The following PIDD1 variants were observed in gnomAD, a reference collection of about 807,000 sequenced individuals.
PIDD1 encodes p53-induced death domain protein 1.
A neutral mutation model predicts 80.0 loss-of-function variants in PIDD1; 72 were observed. The observed-to-expected ratio is 0.90, with a 90% CI of 0.74 to 1.09. The LOEUF (loss-of-function observed/expected upper bound fraction) is 1.09. Among genes scored for constraint, PIDD1 ranks in the 50% least tolerant of loss-of-function variants. The probability of loss-of-function intolerance (pLI) is 0.00; values close to 1 mark genes in which losing one functional copy is unlikely to be tolerated. For missense variants in PIDD1, 1,329 were observed against 1,228.3 expected (o/e 1.08, Z -1.23); for synonymous variants, 655 against 543.5 (o/e 1.21, Z -2.85).
Position 802,032 on chromosome 11 carries a change from ACCACTTCACGG to A in PIDD1, c.1224_1234del (p.Arg409GlyfsTer6). The A allele has an allele frequency of 6.2e-7, 1 of 1,600,136 alleles. No individual in the cohort carries two copies. Among genetic ancestry groups the A allele is most frequent in the Non-Finnish European group, 8.5e-7 (1 of 1,174,014 alleles). On this transcript the variant is annotated frameshift_variant, in exon 7 of 16. Transcript: ENST00000347755. LOFTEE classifies it high-confidence loss of function. ...GCTGTTGTCATTCCGGGTCCTGACC[ACCACTTCACGG>A]CAGCGCCGGGCCTGCGGTGGGGTGA...
chr11:802,355 C>T lies in PIDD1; in HGVS notation c.1016G>A (p.Cys339Tyr), dbSNP rs753705701. 43 of 1,611,950 alleles carry T rather than the reference C, an allele frequency of 2.7e-5. No individual in the cohort carries two copies. Among genetic ancestry groups the T allele is most frequent in the Non-Finnish European group, 3.4e-5 (40 of 1,179,846 alleles). ...TPQGCSVTLA[C>Y]GVRLQFPAGA... ...CGCTGGGAACTGCAGGCGGACGCCA[C>T]AGGCCAGGGTCACTGAGCAGCCTTG... The change falls in exon 6 of 16, where the codon TGT becomes TAT. Residue 339 changes from cysteine (C) to tyrosine (Y), a missense_variant. Cys to Tyr is a radical substitution (Grantham distance 194). Transcript: ENST00000347755.
chr11:799,418 C>T lies in PIDD1; in HGVS notation c.2622G>A (p.Glu874=), dbSNP rs527837792. 6 of 1,611,648 alleles carry T rather than the reference C, an allele frequency of 3.7e-6. No homozygotes were observed. In the African/African-American group the frequency reaches 8.0e-5, roughly 21 times the overall value. ...TGTCCTGGTACTTGCGGCGGCCGAG[C>T]TCCAAGACTGCGCGCACCTCTTCAG... ...DVAEEVRAVL[E]LGRRKYQDSI... Residue 874 remains glutamate, a synonymous_variant, in exon 16 of 16, where the codon GAG becomes GAA. Transcript: ENST00000347755.
chr11:801,602 A>G lies in PIDD1; in HGVS notation c.1325T>C (p.Val442Ala). 1 of 1,561,576 alleles carries G rather than the reference A, an allele frequency of 6.4e-7. No homozygotes were observed. The highest frequency in any genetic ancestry group is 8.7e-7 in the Non-Finnish European group (1 of 1,153,674). Reference sequence around the variant, plus strand: ...CACAAGGAACCAGGAGAAGTGGGGCACCTGGCAGTGAGCCCAGAGCCGCTG... The same window carrying G: ...CACAAGGAACCAGGAGAAGTGGGGCGCCTGGCAGTGAGCCCAGAGCCGCTG... ...APQRLWAHCQ[V>A]PHFSWFLVVS... Residue 442 changes from valine (V) to alanine (A), a missense_variant, in exon 8 of 16, where the codon GTG becomes GCG. Coordinates refer to ENST00000347755, the MANE Select transcript of PIDD1 (RefSeq NM_145886.4).
chr11:809,496 G>A (rs1398971183), upstream of PIDD1: 1 of 152,290 alleles, frequency 6.6e-6, no homozygotes, highest in Non-Finnish European at 1.5e-5. Flanking sequence ...ACCGCCAGCA[G>A]CTTCTGCCCG....
At position 800,393 on chromosome 11, in the gene PIDD1, A is replaced by G. The variant is rs753730564; in HGVS notation, c.2100T>C (p.Asn700=). 8 of 1,590,674 alleles carry G rather than the reference A, an allele frequency of 5.0e-6. No homozygotes were observed. Among genetic ancestry groups the G allele is most frequent in the African/African-American group, 1.4e-5 (1 of 72,108 alleles). ...ICFVFYSHLK[N]VKEVYVTTTL... ...TGGTGGTCACGTATACCTCCTTCAC[A>G]TTCTTCAGGTGCGAGTAGAAGACAA... The change falls in exon 13 of 16, where the codon AAT becomes AAC. Residue 700 remains asparagine, a synonymous_variant. Transcript: ENST00000347755.
intron 1 of PIDD1, 27 bp downstream of exon 1, chr11:805,152 C>G (rs897964573): frequency 9.3e-6 from 9 of 968,274 alleles, no homozygotes; most frequent in Admixed American, 6.2e-5. Context: ...CCCGCCGCCC[C>G]CTCCGCCCGC....
At position 800,686 on chromosome 11, in the gene PIDD1, G is replaced by C; in HGVS notation, c.1918-20C>G. On this transcript the variant is annotated intron_variant, in intron 11 of 15. Coordinates refer to ENST00000347755, the MANE Select transcript of PIDD1 (RefSeq NM_145886.4). ...GTCCACCTGCGGGGAAGCCCGTGCAGCTCAGGACCCAAAGCTCTGCACCCC... is the reference window on the plus strand; with the variant it reads ...GTCCACCTGCGGGGAAGCCCGTGCACCTCAGGACCCAAAGCTCTGCACCCC... 1 of 1,568,972 alleles carries C rather than the reference G, an allele frequency of 6.4e-7. No homozygotes were observed.
At chr11:801,804 A>C (rs1865358644) in intron 7 of PIDD1, 161 bp downstream of exon 7, 1 of 998,758 alleles carries the variant, frequency 1.0e-6, no homozygotes, top group Non-Finnish European at 1.5e-6. Flanking sequence ...AGCAGGATCC[A>C]GGAGGGACGG....
At chr11:802,633 G>A (rs746063327) in intron 4 of PIDD1, 36 bp from the exon 5 acceptor site, 7 of 1,607,376 alleles carry the variant, frequency 4.4e-6, no homozygotes, top group South Asian at 3.3e-5. Flanking sequence ...AGGACAGTGA[G>A]GAGACTCATG....
At position 800,359 on chromosome 11, in the gene PIDD1, G is replaced by A. The variant is rs769334697; in HGVS notation, c.2134C>T (p.Arg712Trp). Residue 712 changes from arginine (R) to tryptophan (W), a missense_variant, in exon 13 of 16, where the codon CGG (arginine) becomes TGG (tryptophan). Transcript: ENST00000347755. The part of the protein sequence containing the change: ...KEVYVTTTLD[R>W]EAQAVRGQVS... ...TGGCCCCGCACAGCCTGAGCCTCCC[G>A]GTCCAGAGTGGTGGTCACGTATACC... 48 of 1,612,772 alleles carry A rather than the reference G, an allele frequency of 3.0e-5. No individual in the cohort carries two copies. Among genetic ancestry groups the A allele is most frequent in the Non-Finnish European group, 3.0e-5 (35 of 1,179,990 alleles).
chr11:799,938 G>A lies in PIDD1; in HGVS notation c.2351C>T (p.Thr784Ile), dbSNP rs749507877. ...LAPLNLGDAE[T>I]GFLTQSNLLS... ...CAGGTTGCTCTGCGTCAGAAAGCCG[G>A]TCTCGGCATCTCCCAGATTCAAGGG... Residue 784 changes from threonine (T) to isoleucine (I), a missense_variant, in exon 15 of 16, where the codon ACC becomes ATC. Transcript: ENST00000347755. The A allele has an allele frequency of 6.2e-7, 1 of 1,612,802 alleles. No individual in the cohort carries two copies. The highest frequency in any genetic ancestry group is 8.5e-7 in the Non-Finnish European group (1 of 1,179,938).
At position 800,654 on chromosome 11, in the gene PIDD1, G is replaced by C; in HGVS notation, c.1930C>G (p.Leu644Val). Reference sequence around the variant, plus strand: ...CGGTACCGCTCCAGCAGCCGCCGAAGGGTGGCGTCCACCTGCGGGGAAGCC... The same window carrying C: ...CGGTACCGCTCCAGCAGCCGCCGAACGGTGGCGTCCACCTGCGGGGAAGCC... Reference protein sequence around the residue: ...CLPRNKVDATLRRLLERYRGP... With the variant: ...CLPRNKVDATVRRLLERYRGP... Residue 644 changes from leucine (L) to valine (V), a missense_variant, in exon 12 of 16, where the codon CTT (leucine) becomes GTT (valine). Physicochemically the swap from Leu to Val is conservative, Grantham distance 32. Coordinates refer to ENST00000347755, the MANE Select transcript of PIDD1 (RefSeq NM_145886.4). The C allele has an allele frequency of 1.3e-6, 2 of 1,588,038 alleles. No individual in the cohort carries two copies. Among genetic ancestry groups the C allele is most frequent in the Non-Finnish European group, 1.7e-6 (2 of 1,173,216 alleles).
chr11:800,489 G>T, intron 12 of PIDD1, 38 bp from the exon 13 acceptor site: 1 of 1,610,290 alleles, frequency 6.2e-7, no homozygotes. Flanking sequence ...GAGGGCTCGG[G>T]GAGGACGGTA....
At chr11:808,189 G>A (rs1865876748), upstream of PIDD1, among the ~76,000 whole-genome samples, 1 of 152,100 alleles carries the variant, frequency 6.6e-6, no homozygotes, top group African/African-American at 2.4e-5. Flanking sequence ...CACTTTGGGA[G>A]GCGGAAGTGG....
In PIDD1 at chr11:801,956, G is replaced by A. The variant is rs781765135; in HGVS notation, c.1302+9C>T. The A allele has an allele frequency of 9.4e-6, 15 of 1,597,774 alleles. No homozygotes were observed. Among genetic ancestry groups the A allele is most frequent in the Admixed American group, 1.7e-5 (1 of 58,540 alleles). ...CCACTCGCCACCGGCAGGCCTGGGT[G>A]GCCCTCACCTGGGGTGCCTCTTCCT... is the stretch of plus-strand genomic sequence containing the variant. On this transcript the variant is annotated intron_variant, in intron 7 of 15. Coordinates refer to ENST00000347755, the MANE Select transcript of PIDD1 (RefSeq NM_145886.4).
rs770314677 is a variant in PIDD1, at chr11:803,200, C to T, written c.683G>A (p.Arg228Gln). ...CAGAGAGGCTGGGAGGCTCTGCAGCCGGTTGGAGGCCAGGTTGAGCTCCAG... is the reference window on the plus strand; with the variant it reads ...CAGAGAGGCTGGGAGGCTCTGCAGCTGGTTGGAGGCCAGGTTGAGCTCCAG... ...SLLELNLASN[R>Q]LQSLPASLAG... The change falls in exon 3 of 16, where the codon CGG becomes CAG. Residue 228 changes from arginine to glutamine, a missense_variant. Arg to Gln is a conservative substitution (Grantham distance 43, BLOSUM62 1). Transcript: ENST00000347755. The T allele has an allele frequency of 6.8e-6, 11 of 1,608,934 alleles. No individual in the cohort carries two copies. Among genetic ancestry groups the T allele is most frequent in the South Asian group, 1.1e-5 (1 of 90,882 alleles).
rs757630582 is a variant in PIDD1, at chr11:802,028, G to A, written c.1239C>T (p.Val413=). The change falls in exon 7 of 16, where the codon GTC becomes GTT. Residue 413 remains valine (V), a synonymous_variant. Transcript: ENST00000347755. ...PQARRCREVV[V]RTRNDNSWGD... is the part of the protein sequence containing the mutation. ...CCCAGCTGTTGTCATTCCGGGTCCT[G>A]ACCACCACTTCACGGCAGCGCCGGG... is the stretch of plus-strand genomic sequence containing the variant. 1.7e-5 allele frequency: 27 copies of A among 1,601,420 alleles called. No homozygotes were observed. The South Asian group carries it at 2.0e-4, about 12-fold the overall frequency.
Position 801,356 on chromosome 11 carries a change from T to C in PIDD1, c.1492A>G (p.Met498Val), listed in dbSNP as rs1304435424. The change falls in exon 9 of 16, where the codon ATG becomes GTG. Residue 498 changes from methionine (M) to valine (V), a missense_variant. Physicochemically the swap from Met to Val is conservative, Grantham distance 21. Transcript: ENST00000347755. ...PRRVSMQVVRMAGRELQALLG... is the reference protein window; with the variant it reads ...PRRVSMQVVRVAGRELQALLG... ...AGGGCCTGCAGCTCTCGGCCAGCCA[T>C]GCGCACCACCTGGGGCAGACAGGCC... The C allele has an allele frequency of 6.2e-6, 10 of 1,609,348 alleles. No individual in the cohort carries two copies. Among genetic ancestry groups the C allele is most frequent in the East Asian group, 4.5e-5 (2 of 44,828 alleles).
Position 800,150 on chromosome 11 carries a change from G to A in PIDD1, c.2255C>T (p.Thr752Ile). ...TCCCACCGGCAGCTTGATGGGCAGA[G>A]TGGCCATCCACAGGGCGTCTGCGCC... Reference protein sequence around the residue: ...RKGADALWMATLPIKLPRLRG... With the variant: ...RKGADALWMAILPIKLPRLRG... The change falls in exon 14 of 16, where the codon ACT (threonine) becomes ATT (isoleucine). Residue 752 changes from threonine (T) to isoleucine (I), a missense_variant. Transcript: ENST00000347755. 6.2e-7 allele frequency: 1 copy of A among 1,610,554 alleles called. No individual in the cohort carries two copies. The highest frequency in any genetic ancestry group is 8.5e-7 in the Non-Finnish European group (1 of 1,179,276).
Sources: gnomAD v4.1 joint callset for allele counts (sites outside exome capture counted in the v4.1 genomes callset) on GRCh38, gnomAD v4.1.1 for gene constraint, MANE v1.5 for transcripts, NCBI Gene and HGNC (gene_info 2026-07-23, HGNC 2026-07-21) for gene names.